The following SNAP25 variants were observed in gnomAD, a reference collection of about 807,000 sequenced individuals.
SNAP25 encodes synaptosomal-associated protein 25.
A neutral mutation model predicts 28.7 loss-of-function variants in SNAP25; 3 were observed. The observed-to-expected ratio is 0.10, with a 90% confidence interval of 0.05 to 0.27. The LOEUF is 0.27. SNAP25 is among the 10% of genes least tolerant of loss of function. The pLI, the probability that SNAP25 is intolerant of heterozygous loss-of-function variation, is 1.00. For synonymous variants in SNAP25, 61 were observed against 88.1 expected (o/e 0.69, Z 1.72); for missense variants, 117 against 278.7 (o/e 0.42, Z 4.13).
At chr20:10,226,086 A>G (rs893704474) in intron 1 of SNAP25, among the ~76,000 whole-genome samples, 2 of 152,188 alleles carry the variant, frequency 1.3e-5, no homozygotes, top group African/African-American at 4.8e-5. Flanking sequence ...AGTTTCAAAG[A>G]ATAATAACTG....
intron 1 of SNAP25, among the ~76,000 whole-genome samples, chr20:10,251,136 T>C (rs1334233469): frequency 6.6e-6 from 1 of 152,210 alleles, no homozygotes; most frequent in Non-Finnish European, 1.5e-5. Context: ...ATCCTTGCCC[T>C]CACAATTATT....
intron 4 of SNAP25, among the ~76,000 whole-genome samples, chr20:10,285,324 A>T (rs927758917): frequency 1.6e-4 from 24 of 152,214 alleles, no homozygotes; most frequent in African/African-American, 5.5e-4. Flanking sequence ...TGTTTTAAAG[A>T]TTATTACAGA....
intron 4 of SNAP25, among the ~76,000 whole-genome samples, chr20:10,286,317 G>A (rs2063877735): frequency 6.6e-6 from 1 of 152,140 alleles, no homozygotes; most frequent in Non-Finnish European, 1.5e-5. Flanking sequence ...CAAATGCCAG[G>A]AAGCAATTAG....
chr20:10,291,063 A>AT (rs920246964), intron 4 of SNAP25, among the ~76,000 whole-genome samples: 3 of 152,154 alleles, frequency 2.0e-5, no homozygotes, highest in South Asian at 2.1e-4. Flanking sequence ...CCTTTTAAAA[A>AT]TTTTTTTTAA....
intron 1 of SNAP25, among the ~76,000 whole-genome samples, chr20:10,266,398 G>C (rs1044023034): frequency 3.9e-5 from 6 of 152,208 alleles, no homozygotes; most frequent in Non-Finnish European, 5.9e-5. Context: ...CAGGGAAAGA[G>C]ATTATTAGTC....
At chr20:10,288,585 G>A (rs750682458) in intron 4 of SNAP25, among the ~76,000 whole-genome samples, 5 of 152,096 alleles carry the variant, frequency 3.3e-5, no homozygotes, top group Non-Finnish European at 5.9e-5. Context: ...ATGTCTGTTT[G>A]ACAGATTTCC....
At chr20:10,265,171 AGAG>A (rs2063486397) in intron 1 of SNAP25, among the ~76,000 whole-genome samples, 1 of 152,164 alleles carries the variant, frequency 6.6e-6, no homozygotes, top group Non-Finnish European at 1.5e-5. Flanking sequence ...TGCTATGAAA[AGAG>A]GAGATTGAAT....
chr20:10,229,226 G>C (rs905267353), intron 1 of SNAP25, among the ~76,000 whole-genome samples: 1 of 152,038 alleles, frequency 6.6e-6, no homozygotes, highest in South Asian at 2.1e-4. Context: ...ACATCTGTTG[G>C]CTTCATTTTA....
At chr20:10,231,586 T>A (rs1324468042) in intron 1 of SNAP25, 1 of 152,194 alleles carries the variant, frequency 6.6e-6, no homozygotes, top group African/African-American at 2.4e-5. Context: ...GTTGTTACAC[T>A]CAGAGGTCTT....
chr20:10,304,672 G>A (rs563317595), intron 7 of SNAP25, among the ~76,000 whole-genome samples: 5 of 152,100 alleles, frequency 3.3e-5, no homozygotes, highest in Non-Finnish European at 5.9e-5. Flanking sequence ...TTGAAATGTC[G>A]TGACTTTTTT....
intron 1 of SNAP25, among the ~76,000 whole-genome samples, chr20:10,221,981 A>G (rs1044068897): frequency 2.0e-5 from 3 of 152,266 alleles, no homozygotes; most frequent in Non-Finnish European, 4.4e-5. Flanking sequence ...TTCTCACATT[A>G]TGGGACTGCT....
intron 4 of SNAP25, among the ~76,000 whole-genome samples, chr20:10,292,326 T>A (rs539011399): frequency 6.6e-6 from 1 of 152,200 alleles, no homozygotes; most frequent in African/African-American, 2.4e-5. Context: ...CACAATCAAG[T>A]GCAGACCATG....
intron 3 of SNAP25, among the ~76,000 whole-genome samples, chr20:10,280,692 C>T (rs979832633): frequency 6.6e-6 from 1 of 152,132 alleles, no homozygotes; most frequent in Non-Finnish European, 1.5e-5. Flanking sequence ...TAAATTAAGC[C>T]CAGGAAAAGC....
chr20:10,260,693 ACACAC>A (rs1203485497), intron 1 of SNAP25, among the ~76,000 whole-genome samples: 2 of 3,554 alleles, frequency 5.6e-4, no homozygotes, highest in Admixed American at 5.0e-3. Flanking sequence ...CTCACTACAC[ACACAC>A]ACACACACAC....
intron 1 of SNAP25, among the ~76,000 whole-genome samples, chr20:10,235,340 GTATAA>G (rs2062900334): frequency 6.6e-6 from 1 of 152,184 alleles, no homozygotes; most frequent in Non-Finnish European, 1.5e-5. Flanking sequence ...CACATTTGTG[GTATAA>G]TATGTGTTTT....
chr20:10,278,894 T>C (rs1218984917), intron 3 of SNAP25, among the ~76,000 whole-genome samples: 1 of 118,378 alleles, frequency 8.4e-6, no homozygotes, highest in African/African-American at 3.2e-5. Flanking sequence ...GTGGCAAGCA[T>C]GCACTCCCTA....
intron 1 of SNAP25, among the ~76,000 whole-genome samples, chr20:10,221,532 A>T (rs2062634392): frequency 1.3e-5 from 2 of 152,218 alleles, no homozygotes; most frequent in Non-Finnish European, 2.9e-5. Flanking sequence ...GGAGTCATTC[A>T]CACAGACCCT....
chr20:10,266,102 T>A (rs2063502295), intron 1 of SNAP25, among the ~76,000 whole-genome samples: 1 of 152,166 alleles, frequency 6.6e-6, no homozygotes, highest in Non-Finnish European at 1.5e-5. Flanking sequence ...GCATAGAATG[T>A]TAGAATAGAT....
At chr20:10,257,694 A>G (rs1261788515) in intron 1 of SNAP25, among the ~76,000 whole-genome samples, 2 of 144,734 alleles carry the variant, frequency 1.4e-5, no homozygotes, top group Non-Finnish European at 3.0e-5. Context: ...CTGGTCAACA[A>G]GAGCGAAACT....
Sources: allele counts gnomAD v4.1 joint callset (sites outside exome capture counted in the v4.1 genomes callset), GRCh38; gene constraint gnomAD v4.1.1; transcripts MANE v1.5; gene names NCBI Gene and HGNC (gene_info 2026-07-23, HGNC 2026-07-21).